Variants in HEMK2 observed in about 807,000 individuals in gnomAD.
HEMK2 encodes the protein HemK methyltransferase 2, ETF1 glutamine and histone H4 lysine.
At chr21:28,663,084 A>G in the HEMK2 span, among the ~76,000 whole-genome samples, 1 of 152,228 alleles carries the variant, frequency 6.6e-6, no homozygotes, top group South Asian at 2.1e-4. Context: ...TGGAGAGTGA[A>G]AAAACGAGAA....
At chr21:28,630,764 T>C in the HEMK2 span, among the ~76,000 whole-genome samples, 152 of 115,904 alleles carry the variant, frequency 1.3e-3, 1 homozygote, top group Middle Eastern at 6.0e-3. Context: ...GAACATCACA[T>C]TCTGGGGACT....
At chr21:28,758,965 G>A in the HEMK2 span, among the ~76,000 whole-genome samples, 1 of 152,214 alleles carries the variant, frequency 6.6e-6, no homozygotes, top group African/African-American at 2.4e-5. Context: ...GTAGTCAGCT[G>A]AGTAGTCTGG....
chr21:28,688,846 A>G, the HEMK2 span, among the ~76,000 whole-genome samples: 8 of 152,266 alleles, frequency 5.3e-5, no homozygotes, highest in Middle Eastern at 3.4e-3. Flanking sequence ...ACACACACAC[A>G]ACAGGAGAGG....
At chr21:28,649,765 C>T in the HEMK2 span, among the ~76,000 whole-genome samples, 1 of 151,982 alleles carries the variant, frequency 6.6e-6, no homozygotes, top group Non-Finnish European at 1.5e-5. Flanking sequence ...AAGGGAACAA[C>T]AAATGCTAAG....
At chr21:28,751,123 C>T in the HEMK2 span, among the ~76,000 whole-genome samples, 5 of 151,224 alleles carry the variant, frequency 3.3e-5, no homozygotes, top group Non-Finnish European at 7.4e-5. Flanking sequence ...CCCAGCTACT[C>T]GGGAGGCTGA....
At chr21:28,586,177 A>C in the HEMK2 span, among the ~76,000 whole-genome samples, 1 of 152,222 alleles carries the variant, frequency 6.6e-6, no homozygotes, top group Non-Finnish European at 1.5e-5. Context: ...TGCATTAAAA[A>C]TTAACTTAAA....
chr21:28,803,253 A>T, the HEMK2 span, among the ~76,000 whole-genome samples: 86 of 152,372 alleles, frequency 5.6e-4, no homozygotes, highest in African/African-American at 1.9e-3. Context: ...ACCTGAATAT[A>T]TACGGGTGCT....
chr21:28,869,057 G>A, the HEMK2 span, among the ~76,000 whole-genome samples: 19 of 151,250 alleles, frequency 1.3e-4, no homozygotes, highest in African/African-American at 2.7e-4. Context: ...CAATTTTCTC[G>A]TTTCTGATTC....
At chr21:28,710,766 G>A in the HEMK2 span, among the ~76,000 whole-genome samples, 1 of 152,128 alleles carries the variant, frequency 6.6e-6, no homozygotes, top group African/African-American at 2.4e-5. Context: ...AGAATCAAGT[G>A]ATCCTGTCTC....
At chr21:28,590,390 T>C in the HEMK2 span, among the ~76,000 whole-genome samples, 1 of 152,036 alleles carries the variant, frequency 6.6e-6, no homozygotes, top group Non-Finnish European at 1.5e-5. Flanking sequence ...TCTATGCTGA[T>C]AGTAATGAAC....
the HEMK2 span, among the ~76,000 whole-genome samples, chr21:28,687,688 C>T: frequency 1.3e-5 from 2 of 152,070 alleles, no homozygotes; most frequent in Non-Finnish European, 2.9e-5. Context: ...TGTAACTCAA[C>T]CTTTTTTGTT....
the HEMK2 span, among the ~76,000 whole-genome samples, chr21:28,647,787 C>T: frequency 1.3e-5 from 2 of 152,142 alleles, no homozygotes; most frequent in East Asian, 1.9e-4. Flanking sequence ...CACAAAAGGC[C>T]CTCCTCCACC....
the HEMK2 span, among the ~76,000 whole-genome samples, chr21:28,693,027 T>C: frequency 1.3e-5 from 2 of 152,126 alleles, no homozygotes; most frequent in Non-Finnish European, 2.9e-5. Context: ...TGCTAATTAG[T>C]ACTGGGTTTC....
At chr21:28,692,003 C>T in the HEMK2 span, among the ~76,000 whole-genome samples, 3 of 152,210 alleles carry the variant, frequency 2.0e-5, no homozygotes, top group African/African-American at 7.2e-5. Flanking sequence ...CATTATTTGA[C>T]TGGAACAAAT....
At chr21:28,612,612 G>A in the HEMK2 span, among the ~76,000 whole-genome samples, 1 of 152,104 alleles carries the variant, frequency 6.6e-6, no homozygotes, top group Admixed American at 6.6e-5. Flanking sequence ...GAAATAAAGG[G>A]CTTCCAAATA....
the HEMK2 span, chr21:28,874,806 A>G: frequency 6.6e-6 from 1 of 152,226 alleles, no homozygotes; most frequent in Non-Finnish European, 1.5e-5. Flanking sequence ...GAACTCCCTG[A>G]CCATCCAGCC....
the HEMK2 span, among the ~76,000 whole-genome samples, chr21:28,830,246 T>C: frequency 2.0e-5 from 3 of 152,108 alleles, no homozygotes; most frequent in Admixed American, 1.3e-4. Context: ...GGGGGAGGGA[T>C]CTGGTGGGAG....
chr21:28,629,727 T>G, the HEMK2 span, among the ~76,000 whole-genome samples: 1 of 152,226 alleles, frequency 6.6e-6, no homozygotes, highest in East Asian at 1.9e-4. Flanking sequence ...AATCTCATTT[T>G]CCAGCCCTCC....
chr21:28,846,949 C>A, the HEMK2 span, among the ~76,000 whole-genome samples: 2 of 152,128 alleles, frequency 1.3e-5, no homozygotes, highest in African/African-American at 4.8e-5. Context: ...ATGCATGTTA[C>A]TGCAAAGAAC....
Sources: allele counts gnomAD v4.1 joint callset (sites outside exome capture counted in the v4.1 genomes callset), GRCh38; gene constraint gnomAD v4.1.1; transcripts MANE v1.5; gene names NCBI Gene and HGNC (gene_info 2026-07-23, HGNC 2026-07-21).